GUF1: variants seen among roughly 807,000 people sequenced by gnomAD.
The protein encoded by GUF1 is GTP binding elongation factor GUF1, also known as translation factor GUF1, mitochondrial.
In GUF1, 78 loss-of-function variants were observed where a neutral mutation model predicts 82.4. The observed-to-expected ratio is 0.95, with a 90% CI of 0.79 to 1.14. The LOEUF (loss-of-function observed/expected upper bound fraction) is 1.14. GUF1 is among the 50% of genes most tolerant of loss of function. GUF1 has a pLI of 0.00. For synonymous variants in GUF1, 279 were observed against 282.3 expected (o/e 0.99, Z 0.12); for missense variants, 814 against 798.2 (o/e 1.02, Z -0.24).
chr4:44,697,150 G>A (rs1165842807), intron 15 of GUF1, among the ~76,000 whole-genome samples: 1 of 152,112 alleles, frequency 6.6e-6, no homozygotes, highest in Admixed American at 6.5e-5. Context: ...GCCTAATCAA[G>A]CCTACCACAA....
chr4:44,687,911 AGT>A, intron 8 of GUF1, 94 bp from the exon 9 acceptor site: 1 of 1,067,420 alleles, frequency 9.4e-7, no homozygotes, highest in Non-Finnish European at 1.4e-6. Flanking sequence ...AAGTTTGGAA[AGT>A]GTATGATAGT....
chr4:44,690,482 T>G (rs188123137), intron 11 of GUF1, among the ~76,000 whole-genome samples: 1 of 151,830 alleles, frequency 6.6e-6, no homozygotes, highest in Non-Finnish European at 1.5e-5. Context: ...ATTAACTTAT[T>G]AGACTATAAT....
At chr4:44,683,400 A>C (rs1364785123) in intron 6 of GUF1, 82 bp downstream of exon 6, 1 of 729,622 alleles carries the variant, frequency 1.4e-6, no homozygotes, top group East Asian at 2.9e-5. Flanking sequence ...GTATTTGATA[A>C]CCTGGCATTA....
At chr4:44,687,829 G>C (rs186567341) in intron 8 of GUF1, among the ~76,000 whole-genome samples, 178 bp from the exon 9 acceptor site, 1 of 151,952 alleles carries the variant, frequency 6.6e-6, no homozygotes, top group East Asian at 1.9e-4. Context: ...TGTAAGACCT[G>C]GTGTGTTCAT....
rs1714717704 is a variant in GUF1 at position 44,680,702 on chromosome 4, G to T, written c.286G>T (p.Asp96Tyr). Residue 96 changes from aspartate (D) to tyrosine (Y), a missense_variant, in exon 3 of 17, where the codon GAT (aspartate) becomes TAT (tyrosine). Coordinates refer to ENST00000281543, the MANE Select transcript of GUF1 (RefSeq NM_021927.3). ...AGTGTTTCTGTTTATAGGGACAATTGATAAAACAAAGAATAATAAGCAGGT... is the reference window on the plus strand; with the variant it reads ...AGTGTTTCTGTTTATAGGGACAATTTATAAAACAAAGAATAATAAGCAGGT... The part of the protein sequence containing the change: ...DRLLELTGTI[D>Y]KTKNNKQVLD... 1 of 1,592,696 alleles carries T rather than the reference G, an allele frequency of 6.3e-7. No homozygotes were observed. Among genetic ancestry groups the T allele is most frequent in the East Asian group, 2.3e-5 (1 of 44,402 alleles).
In GUF1 at chr4:44,682,497, T is replaced by C. The variant is rs571946499; in HGVS notation, c.585+86T>C. ...AATGTCAGTTGTACTATTCATTATA[T>C]GAGGGATCACCAGCTATTTATTAAA... On this transcript the variant is annotated intron_variant, in intron 5 of 16. Coordinates refer to ENST00000281543, the MANE Select transcript of GUF1 (RefSeq NM_021927.3). 146 of 626,386 alleles carry C rather than the reference T, an allele frequency of 2.3e-4. 2 individuals are homozygous for C. In the South Asian group the frequency reaches 4.1e-3, roughly 17 times the overall value. 38.8% of individuals were successfully genotyped at this position (626,386 alleles called of 1,614,324 possible). A position where few individuals can be genotyped will look rare whatever the true frequency, so the allele number is the denominator to read the frequency against.
At chr4:44,694,698 AT>A (rs201545465) in intron 14 of GUF1, among the ~76,000 whole-genome samples, 185 bp downstream of exon 14, 2,470 of 152,308 alleles carry the variant, frequency 0.016, 36 homozygotes, top group Non-Finnish European at 0.025. Context: ...GAACAGAGCT[AT>A]AATAGTCAAA....
chr4:44,681,078 A>G (rs1714746569), intron 3 of GUF1, 45 bp from the exon 4 acceptor site: 1 of 1,513,168 alleles, frequency 6.6e-7, no homozygotes, highest in Admixed American at 1.7e-5. Context: ...CTCTTTCCTA[A>G]AAAATTAACT....
rs200893426 is a variant in GUF1, at chr4:44,686,634, G to A, written c.859G>A (p.Val287Ile). The A allele has an allele frequency of 9.3e-5, 150 of 1,611,760 alleles. No individual in the cohort carries two copies. Among genetic ancestry groups the A allele is most frequent in the Non-Finnish European group, 1.4e-5 (17 of 1,178,368 alleles). Reference protein sequence around the residue: ...DGVVSKGDKIVSAHTQKTYEV... With the variant: ...DGVVSKGDKIISAHTQKTYEV... ...AGTGGTTTCCAAAGGAGATAAAATT[G>A]TATCTGCACATACTCAAAAGACATA... Residue 287 changes from valine to isoleucine, a missense_variant, in exon 8 of 17, where the codon GTA (valine) becomes ATA (isoleucine). Transcript: ENST00000281543.
rs768872266 is a variant in GUF1, at chr4:44,689,288, A to G, written c.1081A>G (p.Met361Val). The change falls in exon 10 of 17, where the codon ATG becomes GTG. Residue 361 changes from methionine to valine, a missense_variant and splice_region_variant. Coordinates refer to ENST00000281543, the MANE Select transcript of GUF1 (RefSeq NM_021927.3). ...KSAKPMVFAG[M>V]YPLDQSEYNN... ...ATTAGAAATCATTGTATCCCCAGGA[A>G]TGTATCCTCTAGACCAATCTGAATA... The G allele has an allele frequency of 1.0e-5, 16 of 1,589,078 alleles. No individual in the cohort carries two copies. Among genetic ancestry groups the G allele is most frequent in the Middle Eastern group, 1.7e-4 (1 of 5,998 alleles).
In GUF1 at chr4:44,689,839, C is replaced by G; in HGVS notation, c.1203-4C>G. The G allele has an allele frequency of 6.3e-7, 1 of 1,595,144 alleles. No homozygotes were observed. On this transcript the variant is annotated splice_region_variant and splice_polypyrimidine_tract_variant and intron_variant, in intron 10 of 16. Transcript: ENST00000281543. ...ATTTTGGAGTTTGTCTTTTCCTCCC[C>G]CAGGCTAGGATTTCTTGGACTTTTG...
rs1189875242 is a variant in GUF1, at chr4:44,700,077, CTTGAATGAA to C, written c.*1406_*1414del. The C allele has an allele frequency of 1.3e-5, 2 of 152,132 alleles. No homozygotes were observed. 9.4% of individuals were successfully genotyped at this position (152,132 alleles called of 1,614,324 possible). A position where few individuals can be genotyped will look rare whatever the true frequency, so the allele number is the denominator to read the frequency against. ...TTAGCCATTGATTTTTATCTTCTAC[CTTGAATGAA>C]TTGAATGAAGAAAATGTCTTTTAGG... is the stretch of plus-strand genomic sequence containing the variant. On this transcript the variant is annotated 3_prime_UTR_variant, in exon 17 of 17. Coordinates refer to ENST00000281543, the MANE Select transcript of GUF1 (RefSeq NM_021927.3).
Position 44,689,392 on chromosome 4 carries a change from T to C in GUF1, c.1185T>C (p.Ala395=). 2.5e-6 allele frequency: 4 copies of C among 1,606,160 alleles called. No homozygotes were observed. Among genetic ancestry groups the C allele is most frequent in the Non-Finnish European group, 3.4e-6 (4 of 1,175,472 alleles). The change falls in exon 10 of 17, where the codon GCT becomes GCC. Residue 395 remains alanine, a synonymous_variant. Coordinates refer to ENST00000281543, the MANE Select transcript of GUF1 (RefSeq NM_021927.3). ...CCGTTCATCGGGATAGTAGCCTTGC[T>C]CTGGGTGCTGGCTGGAGGTAAGATT... ...SVTVHRDSSL[A]LGAGWRLGFL...
intron 6 of GUF1, 42 bp downstream of exon 6, chr4:44,683,360 T>C (rs1277074786): frequency 8.6e-7 from 1 of 1,162,592 alleles, no homozygotes; most frequent in East Asian, 2.6e-5. Context: ...GAAAAAAGTC[T>C]CAAGTAATTG....
At chr4:44,690,092 T>A in intron 11 of GUF1, 117 bp downstream of exon 11, 1 of 609,938 alleles carries the variant, frequency 1.6e-6, no homozygotes, top group Non-Finnish European at 2.5e-6. Context: ...GCTGATTAAG[T>A]ATTAAACAAA....
In GUF1 at chr4:44,680,476, T is replaced by C; in HGVS notation, c.201T>C (p.Asn67=). 4 of 1,607,322 alleles carry C rather than the reference T, an allele frequency of 2.5e-6. No homozygotes were observed. The highest frequency in any genetic ancestry group is 3.4e-6 in the Non-Finnish European group (4 of 1,175,984). The stretch of plus-strand genomic sequence containing the variant: ...ACATGTCTAGGTTTCCTGTTGAAAA[T>C]ATTAGAAATTTCAGTATTGTTGCAC... The part of the protein sequence containing the change: ...KLDMSRFPVE[N]IRNFSIVAHV... Residue 67 remains asparagine (N), a synonymous_variant, in exon 2 of 17, where the codon AAT becomes AAC. Transcript: ENST00000281543.
chr4:44,698,726 G>T lies in GUF1; in HGVS notation c.*45G>T. 6.6e-7 allele frequency: 1 copy of T among 1,512,770 alleles called. No individual in the cohort carries two copies. The highest frequency in any genetic ancestry group is 1.2e-5 in the South Asian group (1 of 80,154). 93.7% of individuals were successfully genotyped at this position (1,512,770 alleles called of 1,614,324 possible). A position where few individuals can be genotyped will look rare whatever the true frequency, so the allele number is the denominator to read the frequency against. On this transcript the variant is annotated 3_prime_UTR_variant, in exon 17 of 17. Transcript: ENST00000281543. Reference sequence around the variant, plus strand: ...TTTTCATTGCAATTTGTAATATGCTGACAACAGAAAGAAAATTATAAAATT... The same window carrying T: ...TTTTCATTGCAATTTGTAATATGCTTACAACAGAAAGAAAATTATAAAATT...
intron 13 of GUF1, among the ~76,000 whole-genome samples, chr4:44,692,061 T>C (rs902566727): frequency 6.6e-6 from 1 of 151,878 alleles, no homozygotes; most frequent in African/African-American, 2.4e-5. Context: ...CCCCTTTTCA[T>C]GAAGAGCTGT....
At chr4:44,691,224 T>C (rs1207935115) in intron 12 of GUF1, among the ~76,000 whole-genome samples, 1 of 151,586 alleles carries the variant, frequency 6.6e-6, no homozygotes, top group African/African-American at 2.4e-5. Context: ...TCTCACCACA[T>C]TGTAATAAAT....
Sources: allele counts gnomAD v4.1 joint callset (sites outside exome capture counted in the v4.1 genomes callset), GRCh38; gene constraint gnomAD v4.1.1; transcripts MANE v1.5; gene names NCBI Gene and HGNC (gene_info 2026-07-23, HGNC 2026-07-21).